The following DAB1 variants were observed in gnomAD, a reference collection of about 807,000 sequenced individuals.
DAB1 encodes DAB adaptor protein 1.
DAB1 carries 15 observed loss-of-function variants against 64.6 expected under a neutral mutation model. That is an observed-to-expected ratio of 0.23 (90% CI 0.16 to 0.36). The LOEUF (loss-of-function observed/expected upper bound fraction) is 0.36. DAB1 is among the 10% of genes least tolerant of loss of function. The pLI is 1.00. For synonymous variants in DAB1, 235 were observed against 251.9 expected (o/e 0.93, Z 0.64); for missense variants, 596 against 706.7 (o/e 0.84, Z 1.78).
At chr1:57,420,415 A>G (rs59980474) in intron 1 of DAB1, among the ~76,000 whole-genome samples, 1,759 of 152,352 alleles carry the variant, frequency 0.012, 31 homozygotes, top group African/African-American at 0.04. Flanking sequence ...AATACAAATG[A>G]GAATACAAGT....
In DAB1 at chr1:58,376,303, C is replaced by T. The variant is rs557722517; in HGVS notation, n.258-32900G>A. Among the ~76,000 whole-genome samples the T allele has an allele frequency of 8.2e-4, 115 of 140,214 alleles. 3 individuals carry two copies. The Middle Eastern group carries it at 0.011, about 14-fold the overall frequency. 92.0% of individuals were successfully genotyped at this position (140,214 alleles called of 152,430 possible). On this transcript the variant is annotated intron_variant and non_coding_transcript_variant, in intron 3 of 20. Transcript: ENST00000485760. ...CAATTTTGGATCTTTCCTGCTTTCT[C>T]TTGTGGGCATTTAGTGCTATAAATT...
intron 1 of DAB1, among the ~76,000 whole-genome samples, chr1:57,379,093 A>G (rs944075032): frequency 6.6e-6 from 1 of 152,134 alleles, no homozygotes; most frequent in Non-Finnish European, 1.5e-5. Flanking sequence ...CTTTACAGTT[A>G]TCTCAAGGTC....
chr1:57,320,588 G>T (rs1400004632), intron 1 of DAB1, among the ~76,000 whole-genome samples: 2 of 152,068 alleles, frequency 1.3e-5, no homozygotes, highest in African/African-American at 4.8e-5. Flanking sequence ...CTTGCTCAGA[G>T]AGAAACATGT....
intron 6 of DAB1, among the ~76,000 whole-genome samples, chr1:57,760,964 G>A (rs567080877): frequency 2.7e-4 from 41 of 152,294 alleles, no homozygotes; most frequent in African/African-American, 9.1e-4. Flanking sequence ...AGGAGAAGGT[G>A]CAAAATTGGC....
intron 4 of DAB1, among the ~76,000 whole-genome samples, chr1:58,263,376 C>T (rs1453579035): frequency 6.6e-6 from 1 of 152,036 alleles, no homozygotes; most frequent in African/African-American, 2.4e-5. Context: ...TATTTTTCCT[C>T]TCCCTGAATC....
At chr1:57,418,990 T>C (rs1684700777) in intron 1 of DAB1, among the ~76,000 whole-genome samples, 1 of 152,220 alleles carries the variant, frequency 6.6e-6, no homozygotes, top group African/African-American at 2.4e-5. Flanking sequence ...TGTTTTCATT[T>C]TTTTACATGA....
chr1:57,251,472 T>C (rs959383871), intron 2 of DAB1, among the ~76,000 whole-genome samples: 1 of 152,198 alleles, frequency 6.6e-6, no homozygotes, highest in African/African-American at 2.4e-5. Context: ...CTGCTAGAGC[T>C]GAATAATTTT....
chr1:57,508,279 G>A (rs1487651695), intron 7 of DAB1, among the ~76,000 whole-genome samples: 1 of 152,134 alleles, frequency 6.6e-6, no homozygotes, highest in African/African-American at 2.4e-5. Context: ...ATGAATGAAT[G>A]CCTGATGAGG....
intron 4 of DAB1, among the ~76,000 whole-genome samples, chr1:58,150,934 C>T (rs60974573): frequency 0.027 from 4,141 of 152,096 alleles, 152 homozygotes; most frequent in South Asian, 0.099. Flanking sequence ...TGAGTGAGAA[C>T]ATGCGGTATT....
intron 6 of DAB1, among the ~76,000 whole-genome samples, chr1:57,731,099 A>G (rs1647393322): frequency 6.6e-6 from 1 of 152,276 alleles, no homozygotes; most frequent in African/African-American, 2.4e-5. Flanking sequence ...ATGGATAAAC[A>G]AAATATTGCA....
In DAB1 at chr1:58,210,083, T is replaced by C. The variant is rs547103002; in HGVS notation, n.310-59495A>G. Among the ~76,000 whole-genome samples the C allele has an allele frequency of 1.6e-3, 246 of 152,300 alleles. 1 individual carries two copies. Among genetic ancestry groups the C allele is most frequent in the Non-Finnish European group, 2.9e-3 (196 of 68,022 alleles). ...CACTCAAAGAAATAAACCTTCTACA[T>C]ACATTTTCAAATTTAGTACTTACAA... On this transcript the variant is annotated intron_variant and non_coding_transcript_variant, in intron 4 of 20. Transcript: ENST00000485760.
chr1:58,001,773 A>C (rs536584037), intron 5 of DAB1, among the ~76,000 whole-genome samples: 93 of 152,146 alleles, frequency 6.1e-4, no homozygotes, highest in Non-Finnish European at 1.1e-3. Flanking sequence ...TCATCTCTAA[A>C]ACCTGAAAAT....
chr1:57,614,955 C>T (rs1570675805), intron 7 of DAB1, among the ~76,000 whole-genome samples: 1 of 148,860 alleles, frequency 6.7e-6, no homozygotes, highest in East Asian at 2.0e-4. Context: ...ACTGCAAACT[C>T]CCTCTCCCGG....
At chr1:58,341,103 A>AT (rs11448734) in intron 4 of DAB1, among the ~76,000 whole-genome samples, 5,823 of 152,238 alleles carry the variant, frequency 0.038, 387 homozygotes, top group East Asian at 0.32. Context: ...CATTTATTGG[A>AT]TAAAAACAAT....
At chr1:58,439,100 C>G (rs1485395808) in intron 3 of DAB1, among the ~76,000 whole-genome samples, 1 of 139,830 alleles carries the variant, frequency 7.2e-6, no homozygotes, top group Non-Finnish European at 1.6e-5. Context: ...ACCCACCCAC[C>G]CAACGTCATA....
intron 5 of DAB1, among the ~76,000 whole-genome samples, chr1:58,055,548 A>G (rs1648001468): frequency 6.6e-6 from 1 of 151,654 alleles, no homozygotes; most frequent in Non-Finnish European, 1.5e-5. Flanking sequence ...TACTTTTCCT[A>G]TCAGAATGTA....
At chr1:57,695,387 A>AG (rs1208214243) in intron 6 of DAB1, among the ~76,000 whole-genome samples, 4 of 95,164 alleles carry the variant, frequency 4.2e-5, no homozygotes, top group Admixed American at 1.0e-4. Flanking sequence ...AAAGAAAGAA[A>AG]GAAAGAAAGA....
chr1:58,499,362 A>G (rs768857539), intron 3 of DAB1, among the ~76,000 whole-genome samples: 2 of 150,936 alleles, frequency 1.3e-5, no homozygotes, highest in Non-Finnish European at 2.9e-5. Flanking sequence ...GTACATTCCT[A>G]TAGTCCTAGC....
intron 7 of DAB1, among the ~76,000 whole-genome samples, chr1:57,601,730 G>A (rs373168285): frequency 3.3e-5 from 5 of 152,302 alleles, no homozygotes; most frequent in African/African-American, 1.2e-4. Context: ...CTCACCATGA[G>A]ACCAAGTTAA....
Sources: allele counts gnomAD v4.1 joint callset (sites outside exome capture counted in the v4.1 genomes callset), GRCh38; gene constraint gnomAD v4.1.1; transcripts MANE v1.5; gene names NCBI Gene and HGNC (gene_info 2026-07-23, HGNC 2026-07-21).